The following PITPNC1 variants were observed in gnomAD, a reference collection of about 807,000 sequenced individuals.
The protein encoded by PITPNC1 is phosphatidylinositol transfer protein cytoplasmic 1.
In PITPNC1, 18 loss-of-function variants were observed where a neutral mutation model predicts 44.7. The observed-to-expected ratio is 0.40, with a 90% confidence interval of 0.28 to 0.60. PITPNC1 has a LOEUF of 0.60. Ranked by LOEUF, PITPNC1 falls within the 20% of genes least tolerant of loss-of-function variation. The pLI, the probability that PITPNC1 is intolerant of heterozygous loss-of-function variation, is 0.39. For synonymous variants in PITPNC1, 141 were observed against 149.6 expected (o/e 0.94, Z 0.42); for missense variants, 290 against 418.4 (o/e 0.69, Z 2.68).
intron 1 of PITPNC1, among the ~76,000 whole-genome samples, chr17:67,510,074 G>C (rs988050064): frequency 2.6e-5 from 4 of 152,226 alleles, no homozygotes; most frequent in Non-Finnish European, 5.9e-5. Flanking sequence ...CTTCCAGTCA[G>C]TATCTTAGAT....
intron 6 of PITPNC1, 32 bp from the exon 7 acceptor site, chr17:67,669,476 T>C: frequency 7.1e-7 from 1 of 1,411,420 alleles, no homozygotes; most frequent in South Asian, 1.3e-5. Context: ...AAACTTTTAA[T>C]ATATCAATTT....
At chr17:67,551,252 G>C (rs2040759205) in intron 2 of PITPNC1, among the ~76,000 whole-genome samples, 1 of 152,146 alleles carries the variant, frequency 6.6e-6, no homozygotes, top group Non-Finnish European at 1.5e-5. Flanking sequence ...TGTGCCTTTT[G>C]AGAATTTGTT....
chr17:67,379,029 AG>A (rs2037916542), intron 1 of PITPNC1: 2 of 985,648 alleles, frequency 2.0e-6, no homozygotes, highest in Admixed American at 6.1e-5. Context: ...TCCAGTATTC[AG>A]GAAGTGGTGA....
At chr17:67,617,169 G>A (rs2041769842) in intron 5 of PITPNC1, among the ~76,000 whole-genome samples, 1 of 152,178 alleles carries the variant, frequency 6.6e-6, no homozygotes, top group African/African-American at 2.4e-5. Flanking sequence ...CTGGCTACAG[G>A]GACGGTCTTA....
At chr17:67,390,892 A>C (rs570996043) in intron 1 of PITPNC1, among the ~76,000 whole-genome samples, 1 of 152,326 alleles carries the variant, frequency 6.6e-6, no homozygotes, top group South Asian at 2.1e-4. Flanking sequence ...AGAGCTCACC[A>C]AGATTCTGAC....
chr17:67,409,596 T>G (rs983995543), intron 1 of PITPNC1, among the ~76,000 whole-genome samples: 2 of 151,944 alleles, frequency 1.3e-5, no homozygotes, highest in Admixed American at 6.6e-5. Context: ...TGGAGTGCAG[T>G]GGCGTGATCC....
intron 1 of PITPNC1, among the ~76,000 whole-genome samples, chr17:67,505,771 A>G (rs2916149): frequency 0.75 from 114,068 of 152,052 alleles, 42,898 homozygotes; most frequent in Middle Eastern, 0.84. Flanking sequence ...CACCGCGCCC[A>G]GCCCAAGTTG....
At chr17:67,566,672 G>A (rs948876101) in intron 4 of PITPNC1, among the ~76,000 whole-genome samples, 2 of 152,162 alleles carry the variant, frequency 1.3e-5, no homozygotes, top group African/African-American at 4.8e-5. Context: ...TATCTTTTGA[G>A]TAACTCCTGC....
chr17:67,454,820 CTTTT>C (rs35832239), intron 1 of PITPNC1, among the ~76,000 whole-genome samples: 13 of 127,924 alleles, frequency 1.0e-4, no homozygotes, highest in Non-Finnish European at 1.1e-4. Context: ...TTTTATTTTC[CTTTT>C]TTTTTTTTTT....
intron 6 of PITPNC1, among the ~76,000 whole-genome samples, chr17:67,642,534 G>T (rs1290196941): frequency 6.6e-6 from 1 of 152,126 alleles, no homozygotes; most frequent in South Asian, 2.1e-4. Flanking sequence ...AAATAAAAAG[G>T]TGTTAAACAG....
intron 6 of PITPNC1, among the ~76,000 whole-genome samples, chr17:67,665,863 G>A (rs1374666810): frequency 9.0e-6 from 1 of 110,940 alleles, no homozygotes; most frequent in South Asian, 2.8e-4. Context: ...TTTTTTTTTT[G>A]AGACAGAGTC....
intron 1 of PITPNC1, among the ~76,000 whole-genome samples, chr17:67,472,682 A>C (rs12951698): frequency 0.5 from 75,669 of 150,936 alleles, 20,752 homozygotes; most frequent in African/African-American, 0.73. Context: ...GTGCATAAAT[A>C]TCATAATGTT....
chr17:67,422,414 A>C (rs933827879), intron 1 of PITPNC1, among the ~76,000 whole-genome samples: 6 of 152,148 alleles, frequency 3.9e-5, no homozygotes, highest in African/African-American at 1.4e-4. Flanking sequence ...TAAAATAGAG[A>C]TGAGGTCTTG....
chr17:67,459,587 A>G (rs2039307350), intron 1 of PITPNC1: 1 of 152,204 alleles, frequency 6.6e-6, no homozygotes, highest in South Asian at 2.1e-4. Flanking sequence ...TATTTTACCC[A>G]GCATTCCTAG....
intron 2 of PITPNC1, among the ~76,000 whole-genome samples, chr17:67,534,909 A>G (rs987339517): frequency 6.6e-6 from 1 of 152,114 alleles, no homozygotes; most frequent in African/African-American, 2.4e-5. Flanking sequence ...TCTGAGAGGA[A>G]CCATATTTAG....
chr17:67,476,815 G>A (rs935785376), intron 1 of PITPNC1, among the ~76,000 whole-genome samples: 1 of 152,026 alleles, frequency 6.6e-6, no homozygotes, highest in African/African-American at 2.4e-5. Context: ...CCGGGCCAGG[G>A]CTGGGTCCTG....
intron 1 of PITPNC1, among the ~76,000 whole-genome samples, chr17:67,465,765 C>T (rs761938542): frequency 6.6e-5 from 10 of 152,064 alleles, no homozygotes; most frequent in Non-Finnish European, 1.3e-4. Flanking sequence ...AAATTCTCTT[C>T]CTGGGATCAA....
Position 67,425,186 on chromosome 17 carries a change from T to TGCGCGCGCGC in PITPNC1, c.48+46992_48+46993insGCGCGCGCGC, listed in dbSNP as rs1386197600. Among the ~76,000 whole-genome samples the TGCGCGCGCGC allele has an allele frequency of 3.1e-3, 175 of 55,684 alleles. 7 individuals are homozygous for TGCGCGCGCGC. Among genetic ancestry groups the TGCGCGCGCGC allele is most frequent in the Middle Eastern group, 8.8e-3 (1 of 114 alleles). The allele number at this position is 55,684 out of a possible 152,430, so 36.5% of individuals were successfully genotyped here. A position where few individuals can be genotyped will look rare whatever the true frequency, so the allele number is the denominator to read the frequency against. ...CCAGGTGAAATAAACAGCCATGTTG[T>TGCGCGCGCGC]GCGCGCGCACGCACACGCACACACA... On this transcript the variant is annotated intron_variant, in intron 1 of 8. Coordinates refer to ENST00000581322, the MANE Select transcript of PITPNC1 (RefSeq NM_012417.4).
chr17:67,581,932 C>T (rs2041239988), intron 5 of PITPNC1, among the ~76,000 whole-genome samples: 1 of 151,990 alleles, frequency 6.6e-6, no homozygotes, highest in Admixed American at 6.6e-5. Flanking sequence ...ACTCAGGAGG[C>T]TGAGGTTGGA....
Sources: allele counts gnomAD v4.1 joint callset (sites outside exome capture counted in the v4.1 genomes callset), GRCh38; gene constraint gnomAD v4.1.1; transcripts MANE v1.5; gene names NCBI Gene and HGNC (gene_info 2026-07-23, HGNC 2026-07-21).